Variants in ARFIP1 observed in about 807,000 individuals in gnomAD.
The protein encoded by ARFIP1 is ARF interacting protein 1, also known as arfaptin-1.
ARFIP1 carries 24 observed loss-of-function variants against 42.5 expected under a neutral mutation model. The ratio of observed to expected loss-of-function variants is 0.57; its 90% confidence interval spans 0.41 to 0.80. ARFIP1 has a LOEUF of 0.80. Among genes scored for constraint, ARFIP1 ranks in the 30% least tolerant of loss-of-function variants. The pLI, the probability that ARFIP1 is intolerant of heterozygous loss-of-function variation, is 0.00. For missense variants in ARFIP1, 354 were observed against 434.0 expected (o/e 0.82, Z 1.64); for synonymous variants, 141 against 153.7 (o/e 0.92, Z 0.61).
At chr4:152,798,177 C>T (rs112209647) in intron 1 of ARFIP1, among the ~76,000 whole-genome samples, 99 of 152,230 alleles carry the variant, frequency 6.5e-4, no homozygotes, top group African/African-American at 2.3e-3. Context: ...GCAGGAGAAT[C>T]GCTTGAACCC....
chr4:152,855,295 C>T (rs1459211244), intron 2 of ARFIP1, among the ~76,000 whole-genome samples: 1 of 152,064 alleles, frequency 6.6e-6, no homozygotes, highest in Non-Finnish European at 1.5e-5. Flanking sequence ...GGTGGGGAAG[C>T]CAGGTTGGGT....
At chr4:152,804,176 A>ATTATATATTATATATAATATAAGATGTG (rs1728711570) in intron 1 of ARFIP1, among the ~76,000 whole-genome samples, 1 of 115,260 alleles carries the variant, frequency 8.7e-6, no homozygotes, top group African/African-American at 3.6e-5. Context: ...TATAACATGT[A>ATTATATATTATATATAATATAAGATGTG]TTATATATTA....
chr4:152,796,690 T>A (rs887317008), intron 1 of ARFIP1: 54 of 883,234 alleles, frequency 6.1e-5, no homozygotes, highest in Admixed American at 2.2e-4. Context: ...CTGTTTATGA[T>A]TAAGCTTAGC....
chr4:152,888,287 A>C lies in ARFIP1; in HGVS notation c.946A>C (p.Lys316Gln), dbSNP rs774315151. The change falls in exon 8 of 9, where the codon AAA (lysine) becomes CAA (glutamine). Residue 316 changes from lysine to glutamine, a missense_variant. Transcript: ENST00000353617. ...GCGCAATGATGTTTCTGTCAAATTG[A>C]AATTTCTAGAAGAAAATAAGGTAAA... is the stretch of plus-strand genomic sequence containing the variant. ...KMRNDVSVKLKFLEENKVKVL... is the reference protein window; with the variant it reads ...KMRNDVSVKLQFLEENKVKVL... 3.1e-6 allele frequency: 5 copies of C among 1,605,372 alleles called. No homozygotes were observed. Among genetic ancestry groups the C allele is most frequent in the African/African-American group, 1.3e-5 (1 of 74,504 alleles).
chr4:152,873,818 G>A (rs1735097241), intron 5 of ARFIP1, among the ~76,000 whole-genome samples: 1 of 152,142 alleles, frequency 6.6e-6, no homozygotes, highest in African/African-American at 2.4e-5. Flanking sequence ...AAATCCTTCA[G>A]TCAATCCCCA....
chr4:152,839,336 A>T (rs1207814813), intron 2 of ARFIP1, among the ~76,000 whole-genome samples: 2 of 151,990 alleles, frequency 1.3e-5, no homozygotes, highest in Non-Finnish European at 2.9e-5. Flanking sequence ...TCTCTTATGG[A>T]ATAGTGTCAA....
At chr4:152,814,283 G>A (rs922583933) in intron 1 of ARFIP1, among the ~76,000 whole-genome samples, 2 of 151,650 alleles carry the variant, frequency 1.3e-5, no homozygotes, top group South Asian at 2.1e-4. Context: ...TTGTAGAGAC[G>A]GGGTTTTGTC....
At chr4:152,822,318 AAGAC>A (rs1451944447) in intron 1 of ARFIP1, among the ~76,000 whole-genome samples, 6 of 145,716 alleles carry the variant, frequency 4.1e-5, no homozygotes, top group African/African-American at 1.0e-4. Context: ...AAAAAAAAAA[AAGAC>A]AAGGTCATTA....
chr4:152,823,844 G>A (rs955690446), intron 1 of ARFIP1, among the ~76,000 whole-genome samples: 5 of 144,570 alleles, frequency 3.5e-5, no homozygotes, highest in African/African-American at 5.1e-5. Flanking sequence ...CCAAAAACTC[G>A]AGAAGGAGGG....
intron 2 of ARFIP1, among the ~76,000 whole-genome samples, chr4:152,858,906 G>C (rs13108850): frequency 0.65 from 99,056 of 152,012 alleles, 32,453 homozygotes; most frequent in Admixed American, 0.72. Context: ...AGGAGCAAGC[G>C]CTGTAAATCT....
chr4:152,813,006 C>G (rs1729589903), intron 1 of ARFIP1, among the ~76,000 whole-genome samples: 1 of 152,148 alleles, frequency 6.6e-6, no homozygotes, highest in African/African-American at 2.4e-5. Flanking sequence ...GTCTGTGATG[C>G]TTTCCTTCAG....
At chr4:152,790,128 T>C (rs1026662420) in intron 1 of ARFIP1, among the ~76,000 whole-genome samples, 1 of 152,218 alleles carries the variant, frequency 6.6e-6, no homozygotes, top group Admixed American at 6.5e-5. Flanking sequence ...ACTATATATA[T>C]GTTAAGCTAT....
intron 3 of ARFIP1, among the ~76,000 whole-genome samples, chr4:152,869,540 C>T (rs1401135863): frequency 6.6e-6 from 1 of 151,758 alleles, no homozygotes. Context: ...GCCTCCTCCT[C>T]CTGGGCTCAA....
intron 1 of ARFIP1, chr4:152,796,248 C>T (rs1054710031): frequency 4.9e-6 from 5 of 1,015,124 alleles, no homozygotes; most frequent in South Asian, 2.8e-5. Context: ...TTCTTCTTTA[C>T]ACCAAGTATT....
At chr4:152,822,296 T>TAAAAAAAAAAAAAAAAAAAAAAGAAAA (rs1730440694) in intron 1 of ARFIP1, among the ~76,000 whole-genome samples, 1 of 65,580 alleles carries the variant, frequency 1.5e-5, no homozygotes, top group Non-Finnish European at 3.3e-5. Flanking sequence ...GCAACAGCAG[T>TAAAAAAAAAAAAAAAAAAAAAAGAAAA]AAAAAAAAAA....
Position 152,850,273 on chromosome 4 carries a change from T to G in ARFIP1, c.94-13333T>G, listed in dbSNP as rs144210015. Among the ~76,000 whole-genome samples the G allele has an allele frequency of 8.5e-5, 13 of 152,260 alleles. No individual in the cohort carries two copies. The East Asian group carries it at 2.5e-3, about 29-fold the overall frequency. The stretch of plus-strand genomic sequence containing the variant: ...GAAAACTTTCAGCCTAGACAGCGAA[T>G]ATATCAGCTTGGAAGGAATTGCTAA... On this transcript the variant is annotated intron_variant, in intron 2 of 8. Transcript: ENST00000353617.
At chr4:152,883,079 A>G (rs903857032) in intron 7 of ARFIP1, among the ~76,000 whole-genome samples, 199 bp downstream of exon 7, 2 of 152,176 alleles carry the variant, frequency 1.3e-5, no homozygotes, top group African/African-American at 4.8e-5. Flanking sequence ...ACCAAAGCCA[A>G]GTTAAGCCTC....
intron 8 of ARFIP1, among the ~76,000 whole-genome samples, chr4:152,889,992 A>G (rs1736708204): frequency 1.3e-5 from 2 of 148,222 alleles, no homozygotes; most frequent in Non-Finnish European, 3.0e-5. Flanking sequence ...TTAGTCATAT[A>G]TATAATGGAT....
intron 2 of ARFIP1, among the ~76,000 whole-genome samples, chr4:152,847,199 C>G (rs1197899530): frequency 8.0e-6 from 1 of 125,176 alleles, no homozygotes; most frequent in African/African-American, 3.1e-5. Context: ...ATGGTGTGAT[C>G]TCGGCTCACT....
Sources: allele counts gnomAD v4.1 joint callset (sites outside exome capture counted in the v4.1 genomes callset), GRCh38; gene constraint gnomAD v4.1.1; transcripts MANE v1.5; gene names NCBI Gene and HGNC (gene_info 2026-07-23, HGNC 2026-07-21).